The following PIBF1 variants were observed in gnomAD, a reference collection of about 807,000 sequenced individuals.
PIBF1 encodes the protein progesterone-induced-blocking factor 1.
PIBF1 carries 90 observed loss-of-function variants against 112.5 expected under a neutral mutation model. The ratio of observed to expected loss-of-function variants is 0.80; its 90% CI spans 0.67 to 0.95. The LOEUF is 0.95. Among genes scored for constraint, PIBF1 ranks in the 40% least tolerant of loss-of-function variants. PIBF1 has a pLI of 0.00. For missense variants in PIBF1, 915 were observed against 852.3 expected (o/e 1.07, Z -0.92); for synonymous variants, 301 against 288.6 (o/e 1.04, Z -0.44).
At chr13:72,884,292 A>G (rs2039758964) in intron 10 of PIBF1, among the ~76,000 whole-genome samples, 1 of 152,216 alleles carries the variant, frequency 6.6e-6, no homozygotes, top group South Asian at 2.1e-4. Flanking sequence ...GTTTCCTCTT[A>G]GTATAATAAA....
At chr13:72,795,891 G>C (rs930497887) in intron 4 of PIBF1, among the ~76,000 whole-genome samples, 1 of 152,186 alleles carries the variant, frequency 6.6e-6, no homozygotes, top group Non-Finnish European at 1.5e-5. Context: ...AGGAGTCAGC[G>C]TGGTTATAAA....
Position 72,783,692 on chromosome 13 carries a change from G to A in PIBF1, c.223G>A (p.Asp75Asn), listed in dbSNP as rs373875774. ...GCTATCCCAGAAAACTATGATGATC[G>A]ACAATTTGAAAGTGGATTATCTTAC... ...IELSQKTMMI[D>N]NLKVDYLTKI... Residue 75 changes from aspartate (D) to asparagine (N), a missense_variant, in exon 2 of 18, where the codon GAC becomes AAC. Coordinates refer to ENST00000326291, the MANE Select transcript of PIBF1 (RefSeq NM_006346.4). The A allele has an allele frequency of 1.4e-5, 23 of 1,613,786 alleles. No individual in the cohort carries two copies. The East Asian group carries it at 2.9e-4, about 20-fold the overall frequency.
intron 11 of PIBF1, among the ~76,000 whole-genome samples, chr13:72,895,566 A>C (rs1363098735): frequency 6.6e-6 from 1 of 152,030 alleles, no homozygotes; most frequent in Non-Finnish European, 1.5e-5. Flanking sequence ...CCAAAATATA[A>C]ATTTATAAAT....
At chr13:72,804,775 G>A (rs1298468542) in intron 5 of PIBF1, among the ~76,000 whole-genome samples, 1 of 152,066 alleles carries the variant, frequency 6.6e-6, no homozygotes, top group African/African-American at 2.4e-5. Flanking sequence ...TCCTAACAGA[G>A]GAATTAATAT....
At chr13:72,939,099 C>A (rs889337959) in intron 14 of PIBF1, among the ~76,000 whole-genome samples, 5 of 152,170 alleles carry the variant, frequency 3.3e-5, no homozygotes, top group African/African-American at 1.2e-4. Flanking sequence ...CGAATATTTT[C>A]TCCCATTCTG....
chr13:73,014,034 C>G (rs1292536237), intron 17 of PIBF1, among the ~76,000 whole-genome samples: 3 of 151,678 alleles, frequency 2.0e-5, no homozygotes, highest in Admixed American at 1.3e-4. Context: ...TGAATCCCTT[C>G]CCTTCCCTTC....
intron 13 of PIBF1, among the ~76,000 whole-genome samples, chr13:72,925,086 T>G (rs2041435312): frequency 6.6e-6 from 1 of 152,146 alleles, no homozygotes; most frequent in African/African-American, 2.4e-5. Flanking sequence ...CCAGTGAGAT[T>G]ATAGAGGGTC....
chr13:72,904,784 A>G (rs1224185515), intron 11 of PIBF1, among the ~76,000 whole-genome samples: 6 of 151,570 alleles, frequency 4.0e-5, no homozygotes, highest in Admixed American at 2.6e-4. Flanking sequence ...TTTTAAGACC[A>G]CATAATATAG....
chr13:72,946,796 A>T (rs887869766), intron 14 of PIBF1, among the ~76,000 whole-genome samples: 1 of 152,230 alleles, frequency 6.6e-6, no homozygotes, highest in Non-Finnish European at 1.5e-5. Flanking sequence ...TCCAGGTCAC[A>T]TTGATGCAAG....
chr13:72,931,938 C>CTTTTTTTTTTTTT (rs59274277), intron 14 of PIBF1, among the ~76,000 whole-genome samples: 2 of 100,836 alleles, frequency 2.0e-5, no homozygotes, highest in Non-Finnish European at 1.9e-5. Flanking sequence ...TTGTTTCTTT[C>CTTTTTTTTTTTTT]TTTTTTTTTT....
At chr13:72,882,584 CAGT>C (rs1441231748) in intron 10 of PIBF1, among the ~76,000 whole-genome samples, 1 of 152,058 alleles carries the variant, frequency 6.6e-6, no homozygotes, top group Non-Finnish European at 1.5e-5. Flanking sequence ...TCAAACAACT[CAGT>C]AGGAAAAAAA....
chr13:72,893,067 G>A (rs1594137175), intron 10 of PIBF1, among the ~76,000 whole-genome samples: 1 of 152,086 alleles, frequency 6.6e-6, no homozygotes, highest in East Asian at 1.9e-4. Flanking sequence ...ATTATACTTG[G>A]TTCATAATAA....
chr13:72,960,958 A>G lies in PIBF1; in HGVS notation c.1834-4316A>G, dbSNP rs2042587362. Among the ~76,000 whole-genome samples the G allele has an allele frequency of 3.3e-5, 5 of 152,048 alleles. 1 individual carries two copies. The highest frequency in any genetic ancestry group is 2.0e-4 in the Admixed American group (3 of 15,258). On this transcript the variant is annotated intron_variant, in intron 14 of 17. Transcript: ENST00000326291. ...AGCTATTCATGGTATTTTTTTCTTT[A>G]TGGCTCCACTTTCACTATAATGAAA...
At chr13:72,812,011 T>C (rs2138066815) in intron 5 of PIBF1, among the ~76,000 whole-genome samples, 1 of 152,316 alleles carries the variant, frequency 6.6e-6, no homozygotes, top group South Asian at 2.1e-4. Context: ...GTATAATCTT[T>C]AGTAAATCTA....
intron 9 of PIBF1, among the ~76,000 whole-genome samples, chr13:72,850,531 G>T (rs1317200634): frequency 2.6e-5 from 4 of 152,074 alleles, no homozygotes; most frequent in Non-Finnish European, 4.4e-5. Flanking sequence ...GTCCATTGTT[G>T]CAAGAAAGGA....
intron 14 of PIBF1, among the ~76,000 whole-genome samples, chr13:72,963,081 C>T (rs1466709158): frequency 6.6e-6 from 1 of 152,088 alleles, no homozygotes; most frequent in Non-Finnish European, 1.5e-5. Context: ...TGAGTATCTA[C>T]ATGCAAAAGA....
At chr13:72,952,019 C>T (rs1013092895) in intron 14 of PIBF1, among the ~76,000 whole-genome samples, 2 of 140,002 alleles carry the variant, frequency 1.4e-5, no homozygotes, top group Non-Finnish European at 3.1e-5. Context: ...TAATTTCTTT[C>T]TTTCTTTTCT....
intron 17 of PIBF1, among the ~76,000 whole-genome samples, chr13:73,013,077 G>A (rs1192146067): frequency 2.6e-5 from 4 of 151,286 alleles, no homozygotes; most frequent in African/African-American, 4.8e-5. Context: ...CGAGGCGGGC[G>A]GATCACGAGG....
chr13:72,805,546 A>G (rs723944), intron 5 of PIBF1, among the ~76,000 whole-genome samples: 47,566 of 152,122 alleles, frequency 0.31, 9,025 homozygotes, highest in African/African-American at 0.54. Flanking sequence ...TTCAACTCAT[A>G]CTTATTTAAG....
Sources: gnomAD v4.1 joint callset for allele counts (sites outside exome capture counted in the v4.1 genomes callset) on GRCh38, gnomAD v4.1.1 for gene constraint, MANE v1.5 for transcripts, NCBI Gene and HGNC (gene_info 2026-07-23, HGNC 2026-07-21) for gene names.